Variants in ANK3 observed in about 807,000 individuals in gnomAD.
ANK3 encodes ankyrin 3.
Under a neutral mutation model 370.9 loss-of-function variants are expected in ANK3, and 57 were observed. That is an observed-to-expected ratio of 0.15 (90% CI 0.12 to 0.19). The LOEUF (loss-of-function observed/expected upper bound fraction) is 0.19, where lower values mean the gene tolerates loss of function less well. ANK3 is among the 10% of genes least tolerant of loss of function. The pLI, the probability that ANK3 is intolerant of heterozygous loss-of-function variation, is 1.00. For synonymous variants in ANK3, 1,929 were observed against 1,946.3 expected, an observed-to-expected ratio of 0.99 and a Z score of 0.23; for missense variants, 4,439 against 5,302.1, an observed-to-expected ratio of 0.84 and a Z score of 5.06.
intron 1 of ANK3, among the ~76,000 whole-genome samples, chr10:60,295,996 T>A (rs982107480): frequency 6.6e-6 from 1 of 151,940 alleles, no homozygotes; most frequent in Admixed American, 6.6e-5. Flanking sequence ...CACCCAGGGG[T>A]TCTTGATTGA....
Position 60,679,475 on chromosome 10 carries a change from G to A in ANK3, c.57+53788C>T, listed in dbSNP as rs77663538. Among the ~76,000 whole-genome samples, 6 of 152,272 alleles carry A rather than the reference G, an allele frequency of 3.9e-5. No homozygotes were observed. In the East Asian group the frequency reaches 9.7e-4, roughly 25 times the overall value. ...TAAGATTTCAGGAGTTGAGTGAGTA[G>A]GCTCAAGCATGCACACTAGGAGGCA... On this transcript the variant is annotated intron_variant, in intron 1 of 43. Transcript: ENST00000373827.
chr10:60,376,046 A>G (rs1394924463), intron 1 of ANK3, among the ~76,000 whole-genome samples: 1 of 152,164 alleles, frequency 6.6e-6, no homozygotes, highest in East Asian at 1.9e-4. Flanking sequence ...GGATGAGGGC[A>G]CAGGGGCTCA....
chr10:60,332,877 A>G lies in ANK3; in HGVS notation c.115-53238T>C, dbSNP rs542113510. 2.8e-3 allele frequency among the ~76,000 whole-genome samples: 433 copies of G among 152,316 alleles called. 2 individuals are homozygous for G. The highest frequency in any genetic ancestry group is 0.01 in the African/African-American group (422 of 41,572). On this transcript the variant is annotated intron_variant, in intron 1 of 43. Transcript: ENST00000280772. The stretch of plus-strand genomic sequence containing the variant: ...ACCGTAAAAAGTGGTTACAAGACAA[A>G]AATAATGGATCTGTTGGGAGGATTA...
chr10:60,476,526 C>T (rs768955910), intron 2 of ANK3, among the ~76,000 whole-genome samples: 3 of 152,154 alleles, frequency 2.0e-5, no homozygotes, highest in African/African-American at 7.2e-5. Context: ...TAAGCTCCTA[C>T]TCTGCTATTT....
intron 7 of ANK3, among the ~76,000 whole-genome samples, chr10:60,240,026 C>T (rs1263818974): frequency 6.9e-6 from 1 of 144,836 alleles, no homozygotes; most frequent in Non-Finnish European, 1.5e-5. Context: ...CATATATACA[C>T]ATATATATAC....
chr10:60,685,151 C>T (rs2079250913), intron 1 of ANK3: 2 of 675,090 alleles, frequency 3.0e-6, no homozygotes, highest in Non-Finnish European at 4.7e-6. Context: ...AAAGTGTCTA[C>T]AGCCTGGTTT....
intron 25 of ANK3, among the ~76,000 whole-genome samples, chr10:60,120,144 C>G (rs1344664977): frequency 2.0e-5 from 3 of 151,966 alleles, no homozygotes; most frequent in African/African-American, 7.3e-5. Context: ...AATATAGAAC[C>G]CAGAGATAAA....
chr10:60,099,826 A>C (rs1264822076), intron 28 of ANK3, among the ~76,000 whole-genome samples: 1 of 152,142 alleles, frequency 6.6e-6, no homozygotes, highest in Non-Finnish European at 1.5e-5. Flanking sequence ...TTAGACCTGC[A>C]GTTTCTGGCA....
intron 7 of ANK3, among the ~76,000 whole-genome samples, chr10:60,246,255 C>CAAAAAAAAAAAAA (rs869144298): frequency 4.3e-5 from 4 of 92,700 alleles, no homozygotes; most frequent in African/African-American, 1.4e-4. Flanking sequence ...AACCCTGTAT[C>CAAAAAAAAAAAAA]AAAAAAAAAA....
intron 1 of ANK3, among the ~76,000 whole-genome samples, chr10:60,632,588 A>T (rs946957535): frequency 9.2e-5 from 14 of 151,734 alleles, no homozygotes; most frequent in Non-Finnish European, 1.3e-4. Flanking sequence ...GTCTTTACAA[A>T]TTTTTTTTTA....
intron 23 of ANK3, chr10:60,144,139 C>G: frequency 7.5e-6 from 3 of 402,378 alleles, no homozygotes; most frequent in South Asian, 5.4e-5. Flanking sequence ...CTCAGCTGAG[C>G]CCCGATTAAC....
chr10:60,056,149 AGAAAAGTGT>A (rs1483853879), intron 41 of ANK3, 113 bp from the exon 42 acceptor site: 2 of 1,300,520 alleles, frequency 1.5e-6, no homozygotes, highest in Admixed American at 2.7e-5. Flanking sequence ...GGCATAAAAT[AGAAAAGTGT>A]GAAAAGTGTG....
intron 1 of ANK3, among the ~76,000 whole-genome samples, chr10:60,365,900 A>G (rs1394023104): frequency 1.3e-5 from 2 of 152,198 alleles, no homozygotes; most frequent in Non-Finnish European, 2.9e-5. Flanking sequence ...CAGCAGTGAG[A>G]GTGGTAACAG....
At chr10:60,441,734 G>C (rs970050858) in intron 2 of ANK3, among the ~76,000 whole-genome samples, 11 of 152,076 alleles carry the variant, frequency 7.2e-5, no homozygotes, top group Non-Finnish European at 1.2e-4. Flanking sequence ...GTTCATACAA[G>C]TACATAAATT....
intron 2 of ANK3, among the ~76,000 whole-genome samples, chr10:60,411,982 T>C (rs1206202058): frequency 3.3e-5 from 5 of 152,116 alleles, no homozygotes; most frequent in African/African-American, 1.2e-4. Context: ...AAAAGCTACC[T>C]TTGAATCTCT....
At chr10:60,243,496 C>T (rs1368206460) in intron 7 of ANK3, among the ~76,000 whole-genome samples, 2 of 152,124 alleles carry the variant, frequency 1.3e-5, no homozygotes, top group Non-Finnish European at 2.9e-5. Flanking sequence ...CCAGATGCAG[C>T]CCCTCAACCT....
intron 7 of ANK3, among the ~76,000 whole-genome samples, chr10:60,239,653 G>T (rs2097393593): frequency 6.6e-6 from 1 of 151,990 alleles, no homozygotes; most frequent in Non-Finnish European, 1.5e-5. Flanking sequence ...ACAGTAAACA[G>T]AAACTTAGGC....
At chr10:60,645,806 T>C (rs1384304534) in intron 1 of ANK3, among the ~76,000 whole-genome samples, 1 of 152,184 alleles carries the variant, frequency 6.6e-6, no homozygotes, top group Non-Finnish European at 1.5e-5. Flanking sequence ...GTTGATCTTA[T>C]GTTCATAGCA....
chr10:60,292,731 C>A (rs1415117414), intron 1 of ANK3, among the ~76,000 whole-genome samples: 3 of 125,886 alleles, frequency 2.4e-5, no homozygotes, highest in Non-Finnish European at 4.8e-5. Flanking sequence ...TTTTTTTTGA[C>A]GGAGTCTCAC....
Sources: gnomAD v4.1 joint callset for allele counts (sites outside exome capture counted in the v4.1 genomes callset) on GRCh38, gnomAD v4.1.1 for gene constraint, MANE v1.5 for transcripts, NCBI Gene and HGNC (gene_info 2026-07-23, HGNC 2026-07-21) for gene names.